The following GBE1 variants were observed in gnomAD, a reference collection of about 807,000 sequenced individuals.
GBE1 encodes the protein 1,4-alpha-glucan-branching enzyme.
A neutral mutation model predicts 88.8 loss-of-function variants in GBE1; 70 were observed. The ratio of observed to expected loss-of-function variants is 0.79; its 90% CI spans 0.65 to 0.96. The LOEUF (loss-of-function observed/expected upper bound fraction) is 0.96, where lower values mean the gene tolerates loss of function less well. GBE1 is among the 40% of genes least tolerant of loss of function. The probability of loss-of-function intolerance (pLI) is 0.00; values close to 1 mark genes in which losing one functional copy is unlikely to be tolerated. For missense variants in GBE1, 872 were observed against 871.0 expected, an observed-to-expected ratio of 1.00 and a Z score of -0.01; for synonymous variants, 284 against 300.1, an observed-to-expected ratio of 0.95 and a Z score of 0.56.
chr3:81,738,220 CAT>C (rs1160215149), intron 1 of GBE1, among the ~76,000 whole-genome samples: 1 of 151,552 alleles, frequency 6.6e-6, no homozygotes, highest in Non-Finnish European at 1.5e-5. Flanking sequence ...CATACGTGTG[CAT>C]GTGTCTTTAT....
intron 14 of GBE1, among the ~76,000 whole-genome samples, chr3:81,508,548 A>C (rs193062244): frequency 6.6e-6 from 1 of 151,988 alleles, no homozygotes; most frequent in African/African-American, 2.4e-5. Context: ...CACTTTTTTT[A>C]AAAAAAATTG....
chr3:81,649,512 T>TA lies in GBE1; in HGVS notation c.555+283dup, dbSNP rs3836326. On this transcript the variant is annotated intron_variant, in intron 4 of 15. Coordinates refer to ENST00000429644, the MANE Select transcript of GBE1 (RefSeq NM_000158.4). ...CTCTGATCAATCAGAAATTGTAGTT[T>TA]AAAAAAAAAACCAGTATCCCTTATA... Among the ~76,000 whole-genome samples, 44,159 of 149,624 alleles carry TA rather than the reference T, an allele frequency of 0.3. 6,612 individuals are homozygous for TA. The highest frequency in any genetic ancestry group is 0.44 in the East Asian group (2,274 of 5,118).
chr3:81,593,442 C>T (rs999458527), intron 8 of GBE1, among the ~76,000 whole-genome samples: 1 of 150,264 alleles, frequency 6.7e-6, no homozygotes, highest in Non-Finnish European at 1.5e-5. Flanking sequence ...TTCTGTGATT[C>T]TACTTCTTTG....
chr3:81,631,033 T>G (rs1391976389), intron 7 of GBE1, among the ~76,000 whole-genome samples: 1 of 151,892 alleles, frequency 6.6e-6, no homozygotes, highest in African/African-American at 2.4e-5. Flanking sequence ...GAAGGCCCCA[T>G]CTCTACAAAA....
chr3:81,590,100 T>C (rs1703857283), intron 9 of GBE1, among the ~76,000 whole-genome samples: 3 of 152,046 alleles, frequency 2.0e-5, no homozygotes, highest in Non-Finnish European at 4.4e-5. Context: ...ACTATTCTCC[T>C]CTATCCAAGC....
rs1703871746 is a variant in GBE1 at position 81,591,094 on chromosome 3, G to T, written c.1179C>A (p.Leu393=). The part of the protein sequence containing the change: ...LQVDEDALTY[L]MLANHLVHTL... ...TGTGAACCAAATGATTTGCCAACAT[G>T]AGGTAAGTCAAGGCATCTTCATCTA... is the stretch of plus-strand genomic sequence containing the variant. The change falls in exon 9 of 16, where the codon CTC becomes CTA. Residue 393 remains leucine (L), a synonymous_variant. Transcript: ENST00000429644. 1.2e-6 allele frequency: 2 copies of T among 1,609,574 alleles called. No individual in the cohort carries two copies. Among genetic ancestry groups the T allele is most frequent in the African/African-American group, 2.7e-5 (2 of 74,866 alleles).
intron 1 of GBE1, 102 bp from the exon 2 acceptor site, chr3:81,705,715 G>C: frequency 1.5e-6 from 1 of 654,144 alleles, no homozygotes; most frequent in East Asian, 3.3e-5. Flanking sequence ...GGGAAAAAAA[G>C]ACATTATTAA....
intron 14 of GBE1, among the ~76,000 whole-genome samples, chr3:81,528,687 T>C (rs915253697): frequency 1.3e-5 from 2 of 152,078 alleles, no homozygotes; most frequent in Non-Finnish European, 2.9e-5. Flanking sequence ...CTAGTTGTTA[T>C]ATTCTCTTGT....
At chr3:81,541,988 A>C (rs965614813) in intron 12 of GBE1, among the ~76,000 whole-genome samples, 2 of 152,090 alleles carry the variant, frequency 1.3e-5, no homozygotes, top group Admixed American at 1.3e-4. Context: ...TCACAATTAC[A>C]CACACAGATG....
At chr3:81,665,987 T>TAATATTCATATCAA (rs11273181) in intron 3 of GBE1, among the ~76,000 whole-genome samples, 97,114 of 151,872 alleles carry the variant, frequency 0.64, 32,795 homozygotes, top group East Asian at 0.94. Context: ...TTTCTTTTTA[T>TAATATTCATATCAA]AGTCGAATGC....
At chr3:81,711,767 A>G (rs2107177211) in intron 1 of GBE1, among the ~76,000 whole-genome samples, 1 of 152,322 alleles carries the variant, frequency 6.6e-6, no homozygotes. Flanking sequence ...TGTCTAAAAC[A>G]CCAAAAGCAA....
chr3:81,559,240 C>T (rs1703388902), intron 12 of GBE1, among the ~76,000 whole-genome samples: 1 of 151,966 alleles, frequency 6.6e-6, no homozygotes, highest in South Asian at 2.1e-4. Flanking sequence ...GGACTAAAAT[C>T]TTACCCTTCT....
At chr3:81,594,196 T>C (rs1158915543) in intron 7 of GBE1, among the ~76,000 whole-genome samples, 173 bp from the exon 8 acceptor site, 3 of 152,160 alleles carry the variant, frequency 2.0e-5, no homozygotes, top group Admixed American at 6.6e-5. Context: ...AGTTGGTTGA[T>C]GAAACTCATT....
chr3:81,734,773 A>G (rs922479765), intron 1 of GBE1, among the ~76,000 whole-genome samples: 4 of 152,164 alleles, frequency 2.6e-5, no homozygotes, highest in Admixed American at 2.6e-4. Context: ...GAAAAAAAAG[A>G]TGCCGTATCA....
intron 2 of GBE1, among the ~76,000 whole-genome samples, chr3:81,696,707 C>T (rs1705601681): frequency 6.6e-6 from 1 of 152,108 alleles, no homozygotes; most frequent in African/African-American, 2.4e-5. Context: ...ATTTTACAGA[C>T]ATTAACTGCA....
At chr3:81,605,603 A>G (rs1222864753) in intron 7 of GBE1, among the ~76,000 whole-genome samples, 2 of 152,248 alleles carry the variant, frequency 1.3e-5, no homozygotes, top group African/African-American at 2.4e-5. Context: ...AATAAATGGC[A>G]GGCCTTGTAC....
intron 14 of GBE1, among the ~76,000 whole-genome samples, chr3:81,515,014 AC>A (rs984946373): frequency 1.3e-5 from 2 of 151,588 alleles, no homozygotes; most frequent in Admixed American, 1.3e-4. Flanking sequence ...AGAAAAAAAA[AC>A]ATATATTTTG....
chr3:81,678,411 T>C (rs1243270370), intron 2 of GBE1, among the ~76,000 whole-genome samples: 3 of 152,190 alleles, frequency 2.0e-5, no homozygotes, highest in East Asian at 1.9e-4. Flanking sequence ...AATAGTTTTA[T>C]TATCAAAAAA....
chr3:81,710,232 C>T lies in GBE1; in HGVS notation c.144-4619G>A, dbSNP rs369261418. The stretch of plus-strand genomic sequence containing the variant: ...TTGTTTTACTCTTAAGGTAATTAAT[C>T]TTTTTTTTTTTTTTTTTTTTGAGAC... On this transcript the variant is annotated intron_variant, in intron 1 of 15. Transcript: ENST00000429644. 2.1e-3 allele frequency among the ~76,000 whole-genome samples: 196 copies of T among 93,176 alleles called. 1 individual carries two copies. The highest frequency in any genetic ancestry group is 7.8e-3 in the Middle Eastern group (1 of 128). 61.1% of individuals were successfully genotyped at this position (93,176 alleles called of 152,430 possible).
Sources: gnomAD v4.1 joint callset for allele counts (sites outside exome capture counted in the v4.1 genomes callset) on GRCh38, gnomAD v4.1.1 for gene constraint, MANE v1.5 for transcripts, NCBI Gene and HGNC (gene_info 2026-07-23, HGNC 2026-07-21) for gene names.